The following NRG3 variants were observed in gnomAD, a reference collection of about 807,000 sequenced individuals.
The protein encoded by NRG3 is neuregulin 3.
A neutral mutation model predicts 66.9 loss-of-function variants in NRG3; 31 were observed. The observed-to-expected ratio is 0.46, with a 90% CI of 0.35 to 0.63. The LOEUF (loss-of-function observed/expected upper bound fraction) is 0.63. Ranked by LOEUF, NRG3 falls within the 20% of genes least tolerant of loss-of-function variation. The pLI is 0.00. For synonymous variants in NRG3, 393 were observed against 359.4 expected, an observed-to-expected ratio of 1.09 and a Z score of -1.06; for missense variants, 910 against 878.9, an observed-to-expected ratio of 1.04 and a Z score of -0.45.
At chr10:82,951,310 T>C in intron 4 of NRG3, 159 bp from the exon 5 acceptor site, 2 of 579,524 alleles carry the variant, frequency 3.5e-6, no homozygotes, top group Non-Finnish European at 3.1e-6. Context: ...CTTTGCAAAG[T>C]AATTGAATCA....
chr10:82,004,287 G>T (rs181268657), intron 1 of NRG3, among the ~76,000 whole-genome samples: 1 of 151,982 alleles, frequency 6.6e-6, no homozygotes, highest in African/African-American at 2.4e-5. Flanking sequence ...ATTTCTTCAC[G>T]TGAATTACGG....
chr10:82,181,992 A>G (rs907002517), intron 1 of NRG3, among the ~76,000 whole-genome samples: 2 of 151,736 alleles, frequency 1.3e-5, no homozygotes, highest in Non-Finnish European at 3.0e-5. Flanking sequence ...TGACCTTTTT[A>G]TCATTATATA....
chr10:82,406,221 T>G (rs768198512), intron 2 of NRG3, among the ~76,000 whole-genome samples: 2 of 152,182 alleles, frequency 1.3e-5, no homozygotes, highest in Non-Finnish European at 2.9e-5. Flanking sequence ...TTAGGAGACT[T>G]GGGATAATTG....
chr10:82,513,441 G>A (rs1373409353), intron 2 of NRG3, among the ~76,000 whole-genome samples: 1 of 152,164 alleles, frequency 6.6e-6, no homozygotes, highest in Non-Finnish European at 1.5e-5. Context: ...CTGTATAACA[G>A]AATAATTTAT....
At chr10:82,982,397 G>A (rs1226153019) in intron 8 of NRG3, among the ~76,000 whole-genome samples, 1 of 152,136 alleles carries the variant, frequency 6.6e-6, no homozygotes, top group Non-Finnish European at 1.5e-5. Flanking sequence ...AGGAAGACTG[G>A]CCCAAAGTGA....
intron 2 of NRG3, among the ~76,000 whole-genome samples, chr10:82,590,565 C>A (rs1176251253): frequency 6.6e-6 from 1 of 152,136 alleles, no homozygotes; most frequent in Non-Finnish European, 1.5e-5. Flanking sequence ...ATCTCAGTCC[C>A]CCTGCTCCCC....
At chr10:82,138,009 C>T (rs2069491478) in intron 1 of NRG3, among the ~76,000 whole-genome samples, 1 of 152,116 alleles carries the variant, frequency 6.6e-6, no homozygotes, top group Admixed American at 6.5e-5. Flanking sequence ...AGAAGTTAAA[C>T]AAAGAGAGTA....
intron 6 of NRG3, among the ~76,000 whole-genome samples, chr10:82,970,778 A>G (rs1262431244): frequency 3.3e-5 from 5 of 152,166 alleles, no homozygotes; most frequent in Admixed American, 6.6e-5. Context: ...TCCTGGTAAC[A>G]AATGTCTTTC....
chr10:82,778,707 C>T (rs2060001858), intron 3 of NRG3, among the ~76,000 whole-genome samples: 1 of 152,054 alleles, frequency 6.6e-6, no homozygotes, highest in African/African-American at 2.4e-5. Flanking sequence ...GGCTTCTTGG[C>T]TGGGCAGGAG....
intron 1 of NRG3, among the ~76,000 whole-genome samples, chr10:81,999,242 C>T (rs979756031): frequency 1.2e-4 from 18 of 152,126 alleles, no homozygotes; most frequent in Non-Finnish European, 1.9e-4. Context: ...CATGTTCTTA[C>T]GAGACCTCAA....
intron 2 of NRG3, among the ~76,000 whole-genome samples, chr10:82,432,685 A>G (rs1009719140): frequency 1.5e-4 from 22 of 151,374 alleles, no homozygotes; most frequent in African/African-American, 4.6e-4. Flanking sequence ...TCAAGGTTCA[A>G]CTCTCACTTA....
intron 1 of NRG3, among the ~76,000 whole-genome samples, chr10:81,928,769 T>A (rs1016368533): frequency 6.6e-6 from 1 of 152,198 alleles, no homozygotes; most frequent in African/African-American, 2.4e-5. Context: ...TTTAAATATA[T>A]CTCTATGTAC....
intron 3 of NRG3, among the ~76,000 whole-genome samples, chr10:82,758,984 T>A (rs541046479): frequency 1.3e-5 from 2 of 152,016 alleles, no homozygotes; most frequent in Non-Finnish European, 2.9e-5. Context: ...GCTTTGGATA[T>A]GGTTTGTCCC....
chr10:82,004,399 A>G (rs1272090282), intron 1 of NRG3, among the ~76,000 whole-genome samples: 1 of 152,190 alleles, frequency 6.6e-6, no homozygotes, highest in Admixed American at 6.5e-5. Flanking sequence ...TGGGAAAACC[A>G]AAGGTGTAAA....
At chr10:82,676,895 C>T (rs1591129182) in intron 2 of NRG3, among the ~76,000 whole-genome samples, 1 of 151,852 alleles carries the variant, frequency 6.6e-6, no homozygotes, top group African/African-American at 2.4e-5. Context: ...ATTTGTTGGG[C>T]TCTAGGTCAC....
intron 3 of NRG3, among the ~76,000 whole-genome samples, chr10:82,765,915 C>G (rs1248762853): frequency 1.3e-5 from 2 of 152,084 alleles, no homozygotes; most frequent in African/African-American, 4.8e-5. Context: ...AATTTAATAT[C>G]AGATTTGATT....
intron 1 of NRG3, among the ~76,000 whole-genome samples, chr10:82,180,840 G>A (rs1413448285): frequency 6.6e-6 from 1 of 151,822 alleles, no homozygotes; most frequent in Non-Finnish European, 1.5e-5. Context: ...CTCTTTAAGT[G>A]TTTAGTAGAA....
chr10:81,964,523 G>A (rs537014507), intron 1 of NRG3, among the ~76,000 whole-genome samples: 70 of 151,670 alleles, frequency 4.6e-4, no homozygotes, highest in Non-Finnish European at 6.0e-4. Context: ...ACAGATGAAC[G>A]TTGAGATTGT....
intron 4 of NRG3, among the ~76,000 whole-genome samples, chr10:82,883,320 A>C (rs79471007): frequency 0.035 from 5,266 of 152,272 alleles, 271 homozygotes; most frequent in African/African-American, 0.12. Flanking sequence ...CATTTAGAAG[A>C]AGCCTCGGAG....
Sources: allele counts gnomAD v4.1 joint callset (sites outside exome capture counted in the v4.1 genomes callset), GRCh38; gene constraint gnomAD v4.1.1; transcripts MANE v1.5; gene names NCBI Gene and HGNC (gene_info 2026-07-23, HGNC 2026-07-21).